SLC45A4: variants seen among roughly 807,000 people sequenced by gnomAD.
The protein encoded by SLC45A4 is polyamine-transporter SLC45A4.
A neutral mutation model predicts 63.7 loss-of-function variants in SLC45A4; 32 were observed. The observed-to-expected ratio is 0.50, with a 90% confidence interval of 0.38 to 0.67. The LOEUF (loss-of-function observed/expected upper bound fraction) is 0.67, where lower values mean the gene tolerates loss of function less well. Among genes scored for constraint, SLC45A4 ranks in the 30% least tolerant of loss-of-function variants. The probability of loss-of-function intolerance (pLI) is 0.00; values close to 1 mark genes in which losing one functional copy is unlikely to be tolerated. For missense variants in SLC45A4, 1,027 were observed against 1,157.7 expected (o/e 0.89, Z 1.64); for synonymous variants, 535 against 510.0 (o/e 1.05, Z -0.66).
At chr8:141,293,099 G>A (rs766551851) in intron 1 of SLC45A4, among the ~76,000 whole-genome samples, 2 of 152,210 alleles carry the variant, frequency 1.3e-5, no homozygotes, top group South Asian at 2.1e-4. Context: ...GTGGGCCTAC[G>A]TAATGCACGC....
intron 2 of SLC45A4, among the ~76,000 whole-genome samples, chr8:141,235,393 T>G (rs1827575927): frequency 6.6e-6 from 1 of 152,128 alleles, no homozygotes; most frequent in Admixed American, 6.5e-5. Flanking sequence ...TGGCTGCAGT[T>G]AAATCATGCT....
intron 2 of SLC45A4, among the ~76,000 whole-genome samples, chr8:141,244,636 C>T (rs943682994): frequency 6.6e-6 from 1 of 152,112 alleles, no homozygotes; most frequent in Non-Finnish European, 1.5e-5. Flanking sequence ...AGGGGCCAGG[C>T]CAGGCGGATG....
At chr8:141,300,379 T>C (rs1354260887) in intron 1 of SLC45A4, among the ~76,000 whole-genome samples, 2 of 152,268 alleles carry the variant, frequency 1.3e-5, no homozygotes, top group East Asian at 3.8e-4. Flanking sequence ...GTTACTAAAC[T>C]GATTTTCTTA....
chr8:141,288,080 C>T (rs7000279), intron 1 of SLC45A4, among the ~76,000 whole-genome samples: 35,727 of 152,106 alleles, frequency 0.23, 4,457 homozygotes, highest in Admixed American at 0.28. Context: ...GGGAGGCTGA[C>T]GTGGGAGGAT....
In SLC45A4 at chr8:141,219,838, A is replaced by G; in HGVS notation, c.431-9T>C. Reference sequence around the variant, plus strand: ...ATCGCCGAGGGCCAGACCTGCGCAGAGCACACGGGAGGGCGGTCAGGTCCT... The same window carrying G: ...ATCGCCGAGGGCCAGACCTGCGCAGGGCACACGGGAGGGCGGTCAGGTCCT... On this transcript the variant is annotated splice_polypyrimidine_tract_variant and intron_variant, in intron 3 of 8. Coordinates refer to ENST00000517878, the MANE Select transcript of SLC45A4 (RefSeq NM_001286646.2). 6.4e-7 allele frequency: 1 copy of G among 1,561,854 alleles called. No homozygotes were observed. The highest frequency in any genetic ancestry group is 8.7e-7 in the Non-Finnish European group (1 of 1,153,988).
intron 1 of SLC45A4, among the ~76,000 whole-genome samples, chr8:141,261,721 A>G (rs1215354215): frequency 6.6e-6 from 1 of 152,074 alleles, no homozygotes; most frequent in Non-Finnish European, 1.5e-5. Flanking sequence ...ATGAAATAAA[A>G]GAGGATACAA....
At chr8:141,265,044 A>G (rs1203309539) in intron 1 of SLC45A4, among the ~76,000 whole-genome samples, 1 of 152,220 alleles carries the variant, frequency 6.6e-6, no homozygotes, top group African/African-American at 2.4e-5. Flanking sequence ...AGAATGGACA[A>G]AAAAAAGAAT....
chr8:141,228,470 A>G, intron 2 of SLC45A4: 1 of 1,361,040 alleles, frequency 7.3e-7, no homozygotes, highest in Non-Finnish European at 9.5e-7. Flanking sequence ...CCCTGTGTCC[A>G]GCTTGTGGGC....
rs61995887 is a variant in SLC45A4 at position 141,218,541 on chromosome 8, C to A, written c.1099G>T (p.Ala367Ser). Reference sequence around the variant, plus strand: ...TCCAGCAAGGTCTCGTCCTCCTTGGCGGCTTCCTTGAGGAAGGTGGCCAGG... The same window carrying A: ...TCCAGCAAGGTCTCGTCCTCCTTGGAGGCTTCCTTGAGGAAGGTGGCCAGG... ...PRLATFLKEA[A>S]KEDETLLDNH... is the part of the protein sequence containing the mutation. Residue 367 changes from alanine to serine, a missense_variant, in exon 5 of 9, where the codon GCC becomes TCC. Coordinates refer to ENST00000517878, the MANE Select transcript of SLC45A4 (RefSeq NM_001286646.2). 403 of 1,613,592 alleles carry A rather than the reference C, an allele frequency of 2.5e-4. 2 individuals are homozygous for A. The African/African-American group carries it at 4.5e-3, about 18-fold the overall frequency.
intron 1 of SLC45A4, among the ~76,000 whole-genome samples, chr8:141,295,462 T>C (rs1830508995): frequency 6.6e-6 from 1 of 152,204 alleles, no homozygotes; most frequent in South Asian, 2.1e-4. Context: ...ACAGGGCTAT[T>C]AACATTGAAA....
rs147755900 is a variant in SLC45A4, at chr8:141,246,893, T to C, written c.241+7096A>G. On this transcript the variant is annotated intron_variant, in intron 2 of 8. Coordinates refer to ENST00000517878, the MANE Select transcript of SLC45A4 (RefSeq NM_001286646.2). ...TACTCAGGAGGCTGAGGCAGGAGGATTGCTTGAGCCCAGGAGTTTCAGTCC... is the reference window on the plus strand; with the variant it reads ...TACTCAGGAGGCTGAGGCAGGAGGACTGCTTGAGCCCAGGAGTTTCAGTCC... 2.9e-3 allele frequency among the ~76,000 whole-genome samples: 442 copies of C among 152,252 alleles called. 2 individuals are homozygous for C. The highest frequency in any genetic ancestry group is 9.9e-3 in the African/African-American group (413 of 41,538).
intron 1 of SLC45A4, among the ~76,000 whole-genome samples, chr8:141,281,068 G>A (rs1829919986): frequency 6.6e-6 from 1 of 152,258 alleles, no homozygotes; most frequent in African/African-American, 2.4e-5. Context: ...GCCAAGTGTG[G>A]TGGCTCATGC....
At chr8:141,258,272 C>G (rs887262207) in intron 1 of SLC45A4, among the ~76,000 whole-genome samples, 4 of 152,094 alleles carry the variant, frequency 2.6e-5, no homozygotes, top group Admixed American at 2.6e-4. Flanking sequence ...TCCCACACCC[C>G]CCAGCCTCAC....
At chr8:141,287,996 T>G (rs887003600) in intron 1 of SLC45A4, among the ~76,000 whole-genome samples, 9 of 152,132 alleles carry the variant, frequency 5.9e-5, no homozygotes, top group African/African-American at 2.2e-4. Context: ...CCACCCTCCT[T>G]GCCCCTTTCA....
chr8:141,231,512 C>T (rs1257314662), intron 2 of SLC45A4, among the ~76,000 whole-genome samples: 1 of 152,252 alleles, frequency 6.6e-6, no homozygotes, highest in Non-Finnish European at 1.5e-5. Context: ...GAGGGCCGCG[C>T]AGCTACCTGG....
At chr8:141,291,603 C>T (rs1406935106) in intron 1 of SLC45A4, among the ~76,000 whole-genome samples, 4 of 152,196 alleles carry the variant, frequency 2.6e-5, no homozygotes. Context: ...CAGAAAGTAA[C>T]AGTCAAACCA....
Position 141,282,572 on chromosome 8 carries a change from G to A in SLC45A4, c.-401+25524C>T, listed in dbSNP as rs117486542. On this transcript the variant is annotated intron_variant, in intron 1 of 8. Coordinates refer to ENST00000517878, the MANE Select transcript of SLC45A4 (RefSeq NM_001286646.2). ...CGCTGCGCTCAGCTCACACCACCCCGTGCACAGCTCGTGGATGCGGTCCTC... is the reference window on the plus strand; with the variant it reads ...CGCTGCGCTCAGCTCACACCACCCCATGCACAGCTCGTGGATGCGGTCCTC... Among the ~76,000 whole-genome samples, 478 of 152,314 alleles carry A rather than the reference G, an allele frequency of 3.1e-3. 2 individuals carry two copies. The highest frequency in any genetic ancestry group is 5.3e-3 in the Non-Finnish European group (362 of 68,018).
chr8:141,275,064 C>T (rs1157926969), intron 1 of SLC45A4, among the ~76,000 whole-genome samples: 1 of 152,220 alleles, frequency 6.6e-6, no homozygotes, highest in Non-Finnish European at 1.5e-5. Context: ...GGAGCCAGCT[C>T]TGAATTCCGC....
intron 1 of SLC45A4, among the ~76,000 whole-genome samples, chr8:141,293,830 G>A (rs536949934): frequency 6.6e-6 from 1 of 152,140 alleles, no homozygotes; most frequent in South Asian, 2.1e-4. Flanking sequence ...CTACTTGGGA[G>A]GCTGAGGCAC....
Sources: gnomAD v4.1 joint callset for allele counts (sites outside exome capture counted in the v4.1 genomes callset) on GRCh38, gnomAD v4.1.1 for gene constraint, MANE v1.5 for transcripts, NCBI Gene and HGNC (gene_info 2026-07-23, HGNC 2026-07-21) for gene names.